Variants in STIMATE observed in about 807,000 individuals in gnomAD.
STIMATE encodes store-operated calcium entry regulator STIMATE.
STIMATE carries 15 observed loss-of-function variants against 36.7 expected under a neutral mutation model. The observed-to-expected ratio is 0.41, with a 90% confidence interval of 0.27 to 0.63. The LOEUF is 0.63. STIMATE is among the 20% of genes least tolerant of loss of function. The probability of loss-of-function intolerance (pLI) is 0.32; values close to 1 mark genes in which losing one functional copy is unlikely to be tolerated. For synonymous variants in STIMATE, 163 were observed against 162.3 expected, an observed-to-expected ratio of 1.00 and a Z score of -0.03; for missense variants, 305 against 397.3, an observed-to-expected ratio of 0.77 and a Z score of 1.98.
intron 1 of STIMATE, among the ~76,000 whole-genome samples, chr3:52,897,032 G>A (rs1324262548): frequency 6.6e-6 from 1 of 152,154 alleles, no homozygotes; most frequent in African/African-American, 2.4e-5. Context: ...TAAGGTGGGA[G>A]GTAGGCGAGT....
At chr3:52,854,687 C>T (rs1314819005) in intron 2 of STIMATE, among the ~76,000 whole-genome samples, 1 of 152,178 alleles carries the variant, frequency 6.6e-6, no homozygotes, top group East Asian at 1.9e-4. Context: ...TTGTGGGAAC[C>T]CCTGACTTTA....
chr3:52,842,845 C>G lies in STIMATE; in HGVS notation c.734G>C (p.Arg245Pro). The G allele has an allele frequency of 1.9e-6, 3 of 1,614,244 alleles. No homozygotes were observed. Among genetic ancestry groups the G allele is most frequent in the Non-Finnish European group, 2.5e-6 (3 of 1,180,050 alleles). Residue 245 changes from arginine to proline, a missense_variant, in exon 7 of 8, where the codon CGG becomes CCG. By Grantham distance (103) the Arg-to-Pro change is moderately radical. Around this residue, in one of 3 missense-constraint regions of STIMATE, gnomAD observed 84 missense variants for 82.4 expected, o/e 1.02. Transcript: ENST00000355083. ...DSRNGSKVRY[R>P]RAASHEESES... is the part of the protein sequence containing the mutation. The stretch of plus-strand genomic sequence containing the variant: ...AGACTCCTCGTGGGATGCGGCCCTC[C>G]GGTAGCGGACCTTGCTCCCATTCCT...
At chr3:52,878,060 C>G (rs1034584206) in intron 1 of STIMATE, among the ~76,000 whole-genome samples, 3 of 150,210 alleles carry the variant, frequency 2.0e-5, no homozygotes, top group Admixed American at 2.0e-4. Flanking sequence ...CGCCACTGCA[C>G]TCCAGCCTGG....
At chr3:52,851,626 T>C (rs1052239606) in intron 3 of STIMATE, among the ~76,000 whole-genome samples, 1 of 150,044 alleles carries the variant, frequency 6.7e-6, no homozygotes, top group African/African-American at 2.4e-5. Context: ...TCCAAGGCAA[T>C]TTCCCTCTGG....
intron 1 of STIMATE, among the ~76,000 whole-genome samples, chr3:52,858,629 CA>C (rs956765122): frequency 6.6e-6 from 1 of 151,862 alleles, no homozygotes; most frequent in Admixed American, 6.6e-5. Context: ...TTTAAAGAAA[CA>C]AAAAACAAAG....
At chr3:52,862,338 G>C (rs572145092) in intron 1 of STIMATE, among the ~76,000 whole-genome samples, 53 of 152,208 alleles carry the variant, frequency 3.5e-4, no homozygotes, top group Admixed American at 4.6e-4. Flanking sequence ...TCCCTGCTCC[G>C]ATCTCTTCAA....
At chr3:52,874,835 C>T (rs1701471026) in intron 1 of STIMATE, among the ~76,000 whole-genome samples, 1 of 152,160 alleles carries the variant, frequency 6.6e-6, no homozygotes. Flanking sequence ...GAGGGAGATT[C>T]TGTCTCAAAA....
At chr3:52,895,881 G>A in intron 1 of STIMATE, 1 of 1,289,166 alleles carries the variant, frequency 7.8e-7, no homozygotes, top group African/African-American at 1.5e-5. Flanking sequence ...CACTCACCAT[G>A]TCTTGAAAAC....
chr3:52,897,094 C>T (rs926404403), intron 1 of STIMATE, among the ~76,000 whole-genome samples, 197 bp downstream of exon 1: 9 of 152,132 alleles, frequency 5.9e-5, no homozygotes, highest in African/African-American at 1.9e-4. Flanking sequence ...GGGGAAGGGT[C>T]ACTCCTGTCT....
At chr3:52,896,390 C>T (rs952178678) in intron 1 of STIMATE, among the ~76,000 whole-genome samples, 1 of 152,008 alleles carries the variant, frequency 6.6e-6, no homozygotes, top group African/African-American at 2.4e-5. Flanking sequence ...AAGGGCACTC[C>T]TAGGCTTACA....
At chr3:52,848,816 G>A (rs907326427) in intron 4 of STIMATE, among the ~76,000 whole-genome samples, 3 of 152,214 alleles carry the variant, frequency 2.0e-5, no homozygotes, top group Non-Finnish European at 2.9e-5. Flanking sequence ...GCCATAGGAG[G>A]CACAAGCTGT....
At chr3:52,892,687 T>C (rs1701801494) in intron 1 of STIMATE, among the ~76,000 whole-genome samples, 1 of 152,218 alleles carries the variant, frequency 6.6e-6, no homozygotes, top group East Asian at 1.9e-4. Context: ...GATCTCAAAG[T>C]ATTATCACTG....
At chr3:52,866,997 A>G (rs1190849541) in intron 1 of STIMATE, among the ~76,000 whole-genome samples, 1 of 152,192 alleles carries the variant, frequency 6.6e-6, no homozygotes, top group Non-Finnish European at 1.5e-5. Context: ...GTGGCTGCAT[A>G]AAGACAGGGA....
intron 1 of STIMATE, among the ~76,000 whole-genome samples, chr3:52,866,084 G>C (rs1207444444): frequency 6.6e-6 from 1 of 152,072 alleles, no homozygotes; most frequent in Non-Finnish European, 1.5e-5. Context: ...TGCTACCTCT[G>C]CCTGTGTGGG....
At chr3:52,896,441 G>A (rs987087249) in intron 1 of STIMATE, among the ~76,000 whole-genome samples, 5 of 150,178 alleles carry the variant, frequency 3.3e-5, no homozygotes, top group Admixed American at 2.7e-4. Context: ...AGGGAAGGAT[G>A]CACACGATGA....
In STIMATE at chr3:52,859,531, ATT is replaced by A. The variant is rs563622429; in HGVS notation, c.161-4089_161-4088del. 7.8e-3 allele frequency among the ~76,000 whole-genome samples: 147 copies of A among 18,816 alleles called. 7 individuals carry two copies. The South Asian group carries it at 0.22, about 28-fold the overall frequency. 12.3% of individuals were successfully genotyped at this position (18,816 alleles called of 152,430 possible). A position where few individuals can be genotyped will look rare whatever the true frequency, so the allele number is the denominator to read the frequency against. On this transcript the variant is annotated intron_variant, in intron 1 of 7. Transcript: ENST00000355083. Reference sequence around the variant, plus strand: ...AAAAAAAAAAAAAAAAAAAAAAAAAATTTTTTTTTTTTTTTTTTTTTTGCTGG... The same window carrying A: ...AAAAAAAAAAAAAAAAAAAAAAAAAATTTTTTTTTTTTTTTTTTTTGCTGG...
chr3:52,891,472 A>T (rs1000363530), intron 1 of STIMATE, among the ~76,000 whole-genome samples: 3 of 152,208 alleles, frequency 2.0e-5, no homozygotes, highest in Admixed American at 6.5e-5. Flanking sequence ...CAGCGACTTG[A>T]AGCAGGTTCA....
intron 1 of STIMATE, among the ~76,000 whole-genome samples, chr3:52,866,996 T>C (rs1701324225): frequency 6.6e-6 from 1 of 152,184 alleles, no homozygotes; most frequent in South Asian, 2.1e-4. Flanking sequence ...TGTGGCTGCA[T>C]AAAGACAGGG....
At chr3:52,878,339 G>C (rs1294132446) in intron 1 of STIMATE, among the ~76,000 whole-genome samples, 1 of 151,858 alleles carries the variant, frequency 6.6e-6, no homozygotes, top group Non-Finnish European at 1.5e-5. Context: ...TCATGCCCTG[G>C]TCTAGAAGTC....
Sources: allele counts gnomAD v4.1 joint callset (sites outside exome capture counted in the v4.1 genomes callset), GRCh38; gene constraint gnomAD v4.1.1; regional missense constraint gnomAD v4.1.1; transcripts MANE v1.5; gene names NCBI Gene and HGNC (gene_info 2026-07-23, HGNC 2026-07-21).